The following CYTH4 variants were observed in gnomAD, a reference collection of about 807,000 sequenced individuals.
The protein encoded by CYTH4 is cytohesin 4, also known as cytohesin-4.
A neutral mutation model predicts 57.5 loss-of-function variants in CYTH4; 22 were observed. That is an observed-to-expected ratio of 0.38 (90% CI 0.27 to 0.55). CYTH4 has a LOEUF of 0.55. Among genes scored for constraint, CYTH4 ranks in the 20% least tolerant of loss-of-function variants. CYTH4 has a pLI of 0.74. For missense variants in CYTH4, 420 were observed against 535.6 expected, an observed-to-expected ratio of 0.78 and a Z score of 2.13; for synonymous variants, 186 against 206.5, an observed-to-expected ratio of 0.90 and a Z score of 0.85.
rs1929359921 is a variant in CYTH4, at chr22:37,305,453, T to C, written c.696+2051T>C. Among the ~76,000 whole-genome samples the C allele has an allele frequency of 2.0e-5, 3 of 152,162 alleles. No individual in the cohort carries two copies. The South Asian group carries it at 6.2e-4, about 32-fold the overall frequency. ...CAGTCCCGGCTACCCCACTTTCTGG[T>C]TGTGTGACTTTAGGAAAGTGGCTTG... On this transcript the variant is annotated intron_variant, in intron 8 of 12. Coordinates refer to ENST00000248901, the MANE Select transcript of CYTH4 (RefSeq NM_013385.5).
At chr22:37,296,595 C>T (rs1232933490) in intron 4 of CYTH4, 1 of 155,878 alleles carries the variant, frequency 6.4e-6, no homozygotes, top group Non-Finnish European at 1.4e-5. Flanking sequence ...CAGAAGGAAA[C>T]CGCAGGCAGA....
chr22:37,286,029 C>G (rs1490200757), intron 1 of CYTH4, among the ~76,000 whole-genome samples: 1 of 152,202 alleles, frequency 6.6e-6, no homozygotes, highest in Non-Finnish European at 1.5e-5. Context: ...AACCTGCTCA[C>G]TATTCCCATG....
At position 37,311,403 on chromosome 22, in the gene CYTH4, G is replaced by A; in HGVS notation, c.886-53G>A. 6.7e-7 allele frequency: 1 copy of A among 1,499,500 alleles called. No homozygotes were observed. The highest frequency in any genetic ancestry group is 9.3e-7 in the Non-Finnish European group (1 of 1,076,112). 92.9% of individuals were successfully genotyped at this position (1,499,500 alleles called of 1,614,324 possible). A position where few individuals can be genotyped will look rare whatever the true frequency, so the allele number is the denominator to read the frequency against. ...ACCCCACACGTTCACACCCTGCCTTGGGCCTCAGGGTTCCGCTTCCTGACC... is the reference window on the plus strand; with the variant it reads ...ACCCCACACGTTCACACCCTGCCTTAGGCCTCAGGGTTCCGCTTCCTGACC... On this transcript the variant is annotated intron_variant, in intron 10 of 12. Transcript: ENST00000248901. The surrounding 1 kb of genome is among the most constrained non-coding windows in gnomAD (Gnocchi z 4.4).
chr22:37,311,901 C>A lies in CYTH4; in HGVS notation c.958-119C>A. On this transcript the variant is annotated intron_variant, in intron 11 of 12. Transcript: ENST00000248901. The surrounding 1 kb of genome is among the most constrained non-coding windows in gnomAD (Gnocchi z 4.4). The stretch of plus-strand genomic sequence containing the variant: ...GTGGGAGCAGCAGCTCCTGCCCCTT[C>A]GCCTGTCGTAGGGCTGTCACGCTGA... 1 of 1,297,742 alleles carries A rather than the reference C, an allele frequency of 7.7e-7. No homozygotes were observed. Among genetic ancestry groups the A allele is most frequent in the Non-Finnish European group, 1.1e-6 (1 of 943,354 alleles). The allele number at this position is 1,297,742 out of a possible 1,614,324, so 80.4% of individuals were successfully genotyped here.
At chr22:37,290,482 G>C (rs1477044468) in intron 1 of CYTH4, among the ~76,000 whole-genome samples, 1 of 151,978 alleles carries the variant, frequency 6.6e-6, no homozygotes, top group East Asian at 1.9e-4. Flanking sequence ...ACCAGGCAAG[G>C]GGTCTTGGGT....
intron 8 of CYTH4, among the ~76,000 whole-genome samples, chr22:37,308,885 C>CGT (rs371803659): frequency 3.3e-5 from 5 of 151,384 alleles, no homozygotes; most frequent in East Asian, 1.9e-4. Context: ...TGTGTGTGCA[C>CGT]GTGTGTGTGT....
intron 8 of CYTH4, chr22:37,304,143 G>A (rs1334405549): frequency 2.2e-5 from 10 of 456,518 alleles, no homozygotes; most frequent in Non-Finnish European, 4.4e-5. Context: ...TCTTCACAGA[G>A]GAGGTGACTT....
intron 1 of CYTH4, among the ~76,000 whole-genome samples, chr22:37,285,475 G>A (rs1349709296): frequency 6.6e-6 from 1 of 152,152 alleles, no homozygotes; most frequent in Non-Finnish European, 1.5e-5. Context: ...GGAGGCCAAG[G>A]CAGGTGGATC....
intron 8 of CYTH4, among the ~76,000 whole-genome samples, chr22:37,308,073 A>G (rs564084299): frequency 6.6e-6 from 1 of 152,276 alleles, no homozygotes; most frequent in African/African-American, 2.4e-5. Context: ...CATCCAGCAT[A>G]GGTCTGCTTA....
At chr22:37,294,621 A>T in intron 2 of CYTH4, 39 bp from the exon 3 acceptor site, 3 of 1,611,784 alleles carry the variant, frequency 1.9e-6, no homozygotes, top group Non-Finnish European at 2.5e-6. Flanking sequence ...TCTGGCCTCC[A>T]CCCCTGACTC....
chr22:37,301,505 T>G (rs758077873), intron 7 of CYTH4, among the ~76,000 whole-genome samples: 34 of 151,818 alleles, frequency 2.2e-4, no homozygotes, highest in Admixed American at 1.8e-3. Flanking sequence ...CAGTCCTCCA[T>G]AGCCCTCTCT....
rs1929775487 is a variant in CYTH4, at chr22:37,314,359, A to T, written c.*848A>T. 3 of 398,612 alleles carry T rather than the reference A, an allele frequency of 7.5e-6. No individual in the cohort carries two copies. The East Asian group carries it at 1.1e-4, about 14-fold the overall frequency. The allele number at this position is 398,612 out of a possible 1,614,324, so 24.7% of individuals were successfully genotyped here. On this transcript the variant is annotated 3_prime_UTR_variant, in exon 13 of 13. Transcript: ENST00000248901. The stretch of plus-strand genomic sequence containing the variant: ...CATTTCGGGGAGAGGAGCAGGTGGG[A>T]CCCTCAAGAAAATGACGGAGAACAT...
chr22:37,297,411 A>G (rs1028369967), intron 4 of CYTH4, among the ~76,000 whole-genome samples, 153 bp from the exon 5 acceptor site: 3 of 152,114 alleles, frequency 2.0e-5, no homozygotes, highest in Admixed American at 6.5e-5. Context: ...GGCAGCTCCT[A>G]TGAAAGAGGG....
Position 37,311,662 on chromosome 22 carries a change from G to A in CYTH4, c.957+135G>A. The A allele has an allele frequency of 1.1e-6, 1 of 892,764 alleles. No individual in the cohort carries two copies. Among genetic ancestry groups the A allele is most frequent in the African/African-American group, 1.7e-5 (1 of 60,154 alleles). 55.3% of individuals were successfully genotyped at this position (892,764 alleles called of 1,614,324 possible). ...CCTTACACCTTCCCTGTGGCTCAGG[G>A]CTGCCTTCTCTCCCTCCTGGGGCCA... On this transcript the variant is annotated intron_variant, in intron 11 of 12. Coordinates refer to ENST00000248901, the MANE Select transcript of CYTH4 (RefSeq NM_013385.5). The surrounding 1 kb of genome is among the most constrained non-coding windows in gnomAD (Gnocchi z 4.4).
rs138845872 is a variant in CYTH4 at position 37,287,210 on chromosome 22, C to T, written c.19+4622C>T. ...GGAACAGAGGATGTGTGAATGATTC[C>T]CTGGACCCTGAAGGCAGGTGGGAGC... On this transcript the variant is annotated intron_variant, in intron 1 of 12. Coordinates refer to ENST00000248901, the MANE Select transcript of CYTH4 (RefSeq NM_013385.5). 2.5e-3 allele frequency among the ~76,000 whole-genome samples: 377 copies of T among 152,230 alleles called. 2 individuals carry two copies. Among genetic ancestry groups the T allele is most frequent in the African/African-American group, 8.2e-3 (339 of 41,536 alleles).
intron 6 of CYTH4, 161 bp from the exon 7 acceptor site, chr22:37,300,746 G>T: frequency 1.6e-6 from 1 of 623,632 alleles, no homozygotes; most frequent in Admixed American, 2.9e-5. Flanking sequence ...CGTGCTTGGG[G>T]CTCCCTGGTG....
At chr22:37,304,191 A>T (rs1354822374) in intron 8 of CYTH4, 2 of 456,776 alleles carry the variant, frequency 4.4e-6, no homozygotes, top group Non-Finnish European at 8.8e-6. Flanking sequence ...GAGTGCTCCC[A>T]GAGGAGAAGC....
At chr22:37,307,704 G>T (rs2145868652) in intron 8 of CYTH4, among the ~76,000 whole-genome samples, 1 of 152,336 alleles carries the variant, frequency 6.6e-6, no homozygotes, top group Admixed American at 6.5e-5. Context: ...CTGAGCAACA[G>T]CACACACAAA....
At position 37,295,866 on chromosome 22, in the gene CYTH4, A is replaced by G. The variant is rs2269590; in HGVS notation, c.168-133A>G. 509,392 of 887,428 alleles carry G rather than the reference A, an allele frequency of 0.57. 152,239 individuals carry two copies. Among genetic ancestry groups the G allele is most frequent in the South Asian group, 0.77 (52,144 of 67,474 alleles). The allele number at this position is 887,428 out of a possible 1,614,324, so 55.0% of individuals were successfully genotyped here. A position where few individuals can be genotyped will look rare whatever the true frequency, so the allele number is the denominator to read the frequency against. On this transcript the variant is annotated intron_variant, in intron 3 of 12. Coordinates refer to ENST00000248901, the MANE Select transcript of CYTH4 (RefSeq NM_013385.5). The surrounding 1 kb of genome is among the most constrained non-coding windows in gnomAD (Gnocchi z 4.1). ...GCTCTCTCCCGCCCAGGTGGTTCCC[A>G]TGCAGGACCCGGAGGCCACACTTGG...
Sources: allele counts gnomAD v4.1 joint callset (sites outside exome capture counted in the v4.1 genomes callset), GRCh38; gene constraint gnomAD v4.1.1; non-coding constraint Gnocchi (gnomAD v3.1); transcripts MANE v1.5; gene names NCBI Gene and HGNC (gene_info 2026-07-23, HGNC 2026-07-21).